The following PAPPA2 variants were observed in gnomAD, a reference collection of about 807,000 sequenced individuals.
PAPPA2 encodes the protein pappalysin 2, also known as pappalysin-2.
In PAPPA2, 86 loss-of-function variants were observed where a neutral mutation model predicts 176.4. That is an observed-to-expected ratio of 0.49 (90% CI 0.41 to 0.58). The LOEUF (loss-of-function observed/expected upper bound fraction) is 0.58. Ranked by LOEUF, PAPPA2 falls within the 20% of genes least tolerant of loss-of-function variation. PAPPA2 has a pLI of 0.00. For synonymous variants in PAPPA2, 809 were observed against 852.2 expected, an observed-to-expected ratio of 0.95 and a Z score of 0.88; for missense variants, 2,073 against 2,256.9, an observed-to-expected ratio of 0.92 and a Z score of 1.65.
In PAPPA2 at chr1:176,536,274, G is replaced by A. The variant is rs572145357; in HGVS notation, c.-916-19133G>A. ...ATTTTGCCCTGGACTGCTAGGTAGG[G>A]TCCGGGTGAGCTTTTCTGCACTCCT... is the stretch of plus-strand genomic sequence containing the variant. On this transcript the variant is annotated intron_variant, in intron 1 of 22. Coordinates refer to ENST00000367662, the MANE Select transcript of PAPPA2 (RefSeq NM_020318.3). 1.6e-4 allele frequency among the ~76,000 whole-genome samples: 24 copies of A among 152,316 alleles called. No homozygotes were observed. The South Asian group carries it at 5.0e-3, about 32-fold the overall frequency.
chr1:176,739,660 T>C lies in PAPPA2; in HGVS notation c.3833T>C (p.Ile1278Thr). The C allele has an allele frequency of 6.2e-7, 1 of 1,613,628 alleles. No individual in the cohort carries two copies. Among genetic ancestry groups the C allele is most frequent in the Middle Eastern group, 1.7e-4 (1 of 6,050 alleles). ...AATAGACCAGGAGAGGCCAGAGCAA[T>C]TTTTATTTTTTTGACAACTGATGGC... ...CFNRPGEARA[I>T]FIFLTTDGLV... The change falls in exon 13 of 23, where the codon ATT (isoleucine) becomes ACT (threonine). Residue 1278 changes from isoleucine (I) to threonine (T), a missense_variant. This residue lies in a region of PAPPA2 where 846 missense variants were observed against 857.9 expected (regional missense o/e 0.99). Coordinates refer to ENST00000367662, the MANE Select transcript of PAPPA2 (RefSeq NM_020318.3).
intron 21 of PAPPA2, among the ~76,000 whole-genome samples, chr1:176,832,745 C>T (rs1667126509): frequency 6.6e-6 from 1 of 152,206 alleles, no homozygotes; most frequent in African/African-American, 2.4e-5. Flanking sequence ...TAAGTGAAGT[C>T]AATACAGATG....
chr1:176,714,002 C>T (rs1661258466), intron 12 of PAPPA2, among the ~76,000 whole-genome samples: 1 of 152,154 alleles, frequency 6.6e-6, no homozygotes, highest in Non-Finnish European at 1.5e-5. Context: ...TCTTTTAACT[C>T]TAACTCCCTT....
At chr1:176,756,624 G>A (rs1398846117) in intron 14 of PAPPA2, among the ~76,000 whole-genome samples, 2 of 152,134 alleles carry the variant, frequency 1.3e-5, no homozygotes, top group Non-Finnish European at 2.9e-5. Flanking sequence ...TGGTGAGACA[G>A]GGCTTTTGAA....
intron 1 of PAPPA2, among the ~76,000 whole-genome samples, chr1:176,490,707 T>C (rs988380779): frequency 6.6e-6 from 1 of 152,114 alleles, no homozygotes; most frequent in Non-Finnish European, 1.5e-5. Context: ...AGTGCAGGAA[T>C]CAGCTGGCTC....
intron 3 of PAPPA2, among the ~76,000 whole-genome samples, chr1:176,643,215 T>C (rs185041260): frequency 1.3e-5 from 2 of 152,018 alleles, no homozygotes; most frequent in African/African-American, 4.8e-5. Context: ...GGTTAAATAA[T>C]GTGTCCAGGG....
rs35029858 is a variant in PAPPA2 at position 176,781,365 on chromosome 1, CTTTTTTTTTTTTTTTT to C, written c.4716-8426_4716-8411del. On this transcript the variant is annotated intron_variant, in intron 17 of 22. Transcript: ENST00000367662. ...CATGTGAGAAGAGCTTTGTAAGGGGCTTTTTTTTTTTTTTTTTTTTTTTTTTTTTTTTTGTCAGGGA... is the reference window on the plus strand; with the variant it reads ...CATGTGAGAAGAGCTTTGTAAGGGGCTTTTTTTTTTTTTTTTTGTCAGGGA... 2.1e-3 allele frequency among the ~76,000 whole-genome samples: 97 copies of C among 46,252 alleles called. No individual in the cohort carries two copies. In the East Asian group the frequency reaches 0.058, roughly 28 times the overall value. The allele number at this position is 46,252 out of a possible 152,430, so 30.3% of individuals were successfully genotyped here.
intron 3 of PAPPA2, among the ~76,000 whole-genome samples, chr1:176,600,608 G>A (rs1331420743): frequency 6.8e-4 from 101 of 149,100 alleles, no homozygotes; most frequent in South Asian, 1.9e-3. Context: ...CCCGGGAGGC[G>A]GAGCTTGCAG....
rs1405505455 is a variant in PAPPA2, at chr1:176,594,625, T to C, written c.1021T>C (p.Ser341Pro). The C allele has an allele frequency of 3.7e-6, 6 of 1,614,156 alleles. No homozygotes were observed. The highest frequency in any genetic ancestry group is 5.1e-6 in the Non-Finnish European group (6 of 1,180,036). Residue 341 changes from serine (S) to proline (P), a missense_variant, in exon 3 of 23, where the codon TCC becomes CCC. Ser to Pro is a moderately conservative substitution (Grantham distance 74, BLOSUM62 -1). Coordinates refer to ENST00000367662, the MANE Select transcript of PAPPA2 (RefSeq NM_020318.3). ...KGKRDARFFF[S>P]LCTDRVKKAT... ...AAAGCGGGATGCTCGCTTCTTCTTCTCCCTCTGCACCGACCGCGTGAAGAA... is the reference window on the plus strand; with the variant it reads ...AAAGCGGGATGCTCGCTTCTTCTTCCCCCTCTGCACCGACCGCGTGAAGAA...
chr1:176,594,988 C>G lies in PAPPA2; in HGVS notation c.1384C>G (p.Pro462Ala), dbSNP rs758209666. Residue 462 changes from proline (P) to alanine (A), a missense_variant, in exon 3 of 23, where the codon CCT (proline) becomes GCT (alanine). Pro to Ala is a conservative substitution (Grantham distance 27). Coordinates refer to ENST00000367662, the MANE Select transcript of PAPPA2 (RefSeq NM_020318.3). ...TDLVLTASFE[P>A]VNTEWVPFRD... ...CTTGGTCCTGACAGCGAGCTTTGAG[C>G]CTGTGAACACAGAGTGGGTTCCCTT... is the stretch of plus-strand genomic sequence containing the variant. 6.2e-7 allele frequency: 1 copy of G among 1,614,060 alleles called. No individual in the cohort carries two copies.
chr1:176,826,990 G>C (rs1261504951), intron 21 of PAPPA2, among the ~76,000 whole-genome samples: 3 of 152,194 alleles, frequency 2.0e-5, no homozygotes, highest in Non-Finnish European at 2.9e-5. Flanking sequence ...TTTTAGAAAA[G>C]TGCATCATGA....
chr1:176,744,822 CAA>C, intron 14 of PAPPA2, among the ~76,000 whole-genome samples: 1 of 152,142 alleles, frequency 6.6e-6, no homozygotes, highest in African/African-American at 2.4e-5. Context: ...TTTTTTCAAT[CAA>C]GAGAAAATCC....
intron 14 of PAPPA2, among the ~76,000 whole-genome samples, chr1:176,757,115 G>A (rs529552859): frequency 4.6e-5 from 7 of 152,230 alleles, no homozygotes; most frequent in African/African-American, 1.4e-4. Flanking sequence ...ACTGATGGAC[G>A]TTTGGGTTGG....
chr1:176,764,980 A>G (rs139071478), intron 14 of PAPPA2, among the ~76,000 whole-genome samples: 182 of 152,302 alleles, frequency 1.2e-3, no homozygotes, highest in African/African-American at 4.3e-3. Context: ...CTCTGCTGAG[A>G]GGATGTCTGT....
At chr1:176,495,625 C>G (rs1647566356) in intron 1 of PAPPA2, among the ~76,000 whole-genome samples, 1 of 151,832 alleles carries the variant, frequency 6.6e-6, no homozygotes, top group African/African-American at 2.4e-5. Flanking sequence ...CAGTCTTACT[C>G]CAGAGGTCAG....
At chr1:176,640,346 C>T (rs1359777343) in intron 3 of PAPPA2, among the ~76,000 whole-genome samples, 1 of 114,596 alleles carries the variant, frequency 8.7e-6, no homozygotes, top group African/African-American at 3.2e-5. Flanking sequence ...TCCCCCCTCC[C>T]CCCACCCCAC....
At chr1:176,602,781 C>A (rs1654401348) in intron 3 of PAPPA2, among the ~76,000 whole-genome samples, 1 of 152,010 alleles carries the variant, frequency 6.6e-6, no homozygotes, top group Non-Finnish European at 1.5e-5. Flanking sequence ...GCAAGTGTCA[C>A]CTTCTCATGG....
At chr1:176,806,789 TA>T (rs1294525431) in intron 21 of PAPPA2, among the ~76,000 whole-genome samples, 1 of 152,200 alleles carries the variant, frequency 6.6e-6, no homozygotes, top group East Asian at 1.9e-4. Flanking sequence ...TTTTCAGGAA[TA>T]ACGGCAAACC....
At chr1:176,779,090 C>T (rs1000749353) in intron 17 of PAPPA2, among the ~76,000 whole-genome samples, 7 of 152,174 alleles carry the variant, frequency 4.6e-5, no homozygotes, top group African/African-American at 1.7e-4. Context: ...TAACTTCAAC[C>T]TCAAACTAGA....
Sources: allele counts gnomAD v4.1 joint callset (sites outside exome capture counted in the v4.1 genomes callset), GRCh38; gene constraint gnomAD v4.1.1; regional missense constraint gnomAD v4.1.1; transcripts MANE v1.5; gene names NCBI Gene and HGNC (gene_info 2026-07-23, HGNC 2026-07-21).